The following HERC4 variants were observed in gnomAD, a reference collection of about 807,000 sequenced individuals.
HERC4 encodes the protein HECT and RLD domain containing E3 ubiquitin protein ligase 4.
Under a neutral mutation model 124.3 loss-of-function variants are expected in HERC4, and 28 were observed. The ratio of observed to expected loss-of-function variants is 0.23; its 90% CI spans 0.17 to 0.31. The LOEUF is 0.31. HERC4 is among the 10% of genes least tolerant of loss of function. HERC4 has a pLI of 1.00. For missense variants in HERC4, 713 were observed against 1,229.3 expected (o/e 0.58, Z 6.28); for synonymous variants, 407 against 421.5 (o/e 0.97, Z 0.42).
At chr10:67,933,586 G>A (rs931411207) in intron 22 of HERC4, among the ~76,000 whole-genome samples, 6 of 151,998 alleles carry the variant, frequency 3.9e-5, no homozygotes, top group African/African-American at 9.7e-5. Context: ...TAGGAATAAT[G>A]GTAAGTTGCC....
At chr10:68,055,025 C>T (rs1300733745) in intron 3 of HERC4, among the ~76,000 whole-genome samples, 5 of 152,142 alleles carry the variant, frequency 3.3e-5, no homozygotes, top group Admixed American at 6.6e-5. Context: ...TGGGCTCAAG[C>T]GATTCTCCTG....
At chr10:68,066,240 T>C (rs971719563) in intron 3 of HERC4, among the ~76,000 whole-genome samples, 9 of 152,212 alleles carry the variant, frequency 5.9e-5, no homozygotes, top group African/African-American at 2.2e-4. Context: ...TTGTGAGAAA[T>C]GAGCTTTAAA....
At chr10:68,075,092 C>G (rs1462467729) in intron 1 of HERC4, 52 bp downstream of exon 1, 1 of 153,190 alleles carries the variant, frequency 6.5e-6, no homozygotes, top group Non-Finnish European at 1.5e-5. Context: ...GCACCTCCGG[C>G]GTCTGTGCCG....
At chr10:67,960,144 C>A (rs1000077609) in intron 16 of HERC4, among the ~76,000 whole-genome samples, 16 of 152,176 alleles carry the variant, frequency 1.1e-4, no homozygotes, top group Admixed American at 3.3e-4. Flanking sequence ...ACTACGGGAG[C>A]AGGATGTGAT....
At chr10:68,065,832 T>A (rs116110607) in intron 3 of HERC4, among the ~76,000 whole-genome samples, 2 of 152,242 alleles carry the variant, frequency 1.3e-5, no homozygotes, top group East Asian at 3.9e-4. Flanking sequence ...TGTACTCCAG[T>A]GACAACAAGA....
At chr10:67,925,735 T>G (rs1447324433) in intron 23 of HERC4, among the ~76,000 whole-genome samples, 4 of 152,106 alleles carry the variant, frequency 2.6e-5, no homozygotes, top group African/African-American at 9.7e-5. Context: ...CCTCTATGGC[T>G]TCAGCCCTTC....
rs1194074369 is a variant in HERC4, at chr10:67,966,672, A to G, written c.1926+11T>C. ...ATAAAAATGAAATCACAAATTGCAC[A>G]GAAAACCTACCATTCCATAGGCCTG... On this transcript the variant is annotated intron_variant, in intron 16 of 24. Transcript: ENST00000373700. 1.1e-5 allele frequency: 17 copies of G among 1,600,382 alleles called. No individual in the cohort carries two copies. The highest frequency in any genetic ancestry group is 1.4e-5 in the Non-Finnish European group (16 of 1,176,138).
At chr10:68,038,293 C>G (rs2039582205) in intron 4 of HERC4, 124 bp from the exon 5 acceptor site, 2 of 432,114 alleles carry the variant, frequency 4.6e-6, no homozygotes, top group Non-Finnish European at 8.2e-6. Context: ...TTTTTTCATA[C>G]AAGCTCAATT....
At chr10:68,054,601 C>T (rs1407480663) in intron 3 of HERC4, among the ~76,000 whole-genome samples, 1 of 152,138 alleles carries the variant, frequency 6.6e-6, no homozygotes, top group Non-Finnish European at 1.5e-5. Context: ...ACCTCAGCCT[C>T]ACAAAGTGTT....
chr10:68,006,849 T>A (rs1199450857), intron 9 of HERC4, among the ~76,000 whole-genome samples: 1 of 152,240 alleles, frequency 6.6e-6, no homozygotes, highest in Admixed American at 6.5e-5. Flanking sequence ...TGCTGCCAGA[T>A]GTACTGGAGC....
At chr10:68,002,789 G>A (rs980047976) in intron 9 of HERC4, among the ~76,000 whole-genome samples, 7 of 151,852 alleles carry the variant, frequency 4.6e-5, no homozygotes, top group African/African-American at 1.7e-4. Context: ...TAGTTCAGAC[G>A]GAGTTTCACC....
At chr10:68,050,988 G>A (rs2040266300) in intron 3 of HERC4, among the ~76,000 whole-genome samples, 1 of 151,370 alleles carries the variant, frequency 6.6e-6, no homozygotes, top group South Asian at 2.1e-4. Context: ...TATGTTCCAG[G>A]TACTATCACC....
Position 67,956,865 on chromosome 10 carries a change from A to C in HERC4, c.2025+13T>G, listed in dbSNP as rs2034177105. 1 of 1,508,344 alleles carries C rather than the reference A, an allele frequency of 6.6e-7. No homozygotes were observed. The highest frequency in any genetic ancestry group is 2.3e-5 in the East Asian group (1 of 43,884). 93.4% of individuals were successfully genotyped at this position (1,508,344 alleles called of 1,614,324 possible). On this transcript the variant is annotated intron_variant, in intron 17 of 24. Transcript: ENST00000373700. ...ACAATTAAAAAAAAAAACCCTCTCA[A>C]ATAATATTTTACCTGCATCTGTAAG...
intron 23 of HERC4, among the ~76,000 whole-genome samples, chr10:67,929,566 A>T (rs117386117): frequency 6.6e-6 from 1 of 151,696 alleles, no homozygotes; most frequent in East Asian, 1.9e-4. Flanking sequence ...TTTGCTGCCT[A>T]TGACAGAGTG....
chr10:68,057,484 C>T (rs1466306836), intron 3 of HERC4, among the ~76,000 whole-genome samples: 9 of 151,472 alleles, frequency 5.9e-5, no homozygotes, highest in Admixed American at 4.6e-4. Flanking sequence ...ATTAGCCGTG[C>T]GTGGTGGCAG....
At chr10:68,016,077 TG>T (rs1378794126) in intron 8 of HERC4, among the ~76,000 whole-genome samples, 1 of 152,110 alleles carries the variant, frequency 6.6e-6, no homozygotes, top group Non-Finnish European at 1.5e-5. Context: ...CACTCCAGCC[TG>T]GGCAACAGAG....
chr10:68,072,509 C>G (rs532177802), intron 3 of HERC4, among the ~76,000 whole-genome samples: 2 of 152,188 alleles, frequency 1.3e-5, no homozygotes, highest in East Asian at 3.9e-4. Context: ...CCTCCCCCCT[C>G]CCAAAGTAAG....
In HERC4 at chr10:67,955,071, T is replaced by C. The variant is rs1214939554; in HGVS notation, c.2085A>G (p.Glu695=). Residue 695 remains glutamate, a synonymous_variant, in exon 18 of 25, where the codon GAA becomes GAG. Transcript: ENST00000373700. The part of the protein sequence containing the change: ...NVSSLFLPVI[E]SVNPCLILVV... ...CTAGAATTAAGCAGGGATTCACAGA[T>C]TCAATCACTGGGAGAAAAAGAGAGG... 1.9e-6 allele frequency: 3 copies of C among 1,597,334 alleles called. No individual in the cohort carries two copies. The highest frequency in any genetic ancestry group is 2.6e-6 in the Non-Finnish European group (3 of 1,173,972).
At chr10:68,018,906 T>TTA (rs544946105) in intron 8 of HERC4, among the ~76,000 whole-genome samples, 7 of 150,678 alleles carry the variant, frequency 4.6e-5, no homozygotes, top group South Asian at 2.1e-4. Context: ...AAGGCTTTTT[T>TTA]TTTTTTTTTT....
Sources: allele counts gnomAD v4.1 joint callset (sites outside exome capture counted in the v4.1 genomes callset), GRCh38; gene constraint gnomAD v4.1.1; transcripts MANE v1.5; gene names NCBI Gene and HGNC (gene_info 2026-07-23, HGNC 2026-07-21).